CAPN7: variants seen among roughly 807,000 people sequenced by gnomAD.
CAPN7 encodes the protein calpain 7.
CAPN7 carries 72 observed loss-of-function variants against 115.2 expected under a neutral mutation model. That is an observed-to-expected ratio of 0.63 (90% CI 0.52 to 0.76). The LOEUF is 0.76. CAPN7 is among the 30% of genes least tolerant of loss of function. CAPN7 has a pLI of 0.00. For missense variants in CAPN7, 905 were observed against 971.5 expected, an observed-to-expected ratio of 0.93 and a Z score of 0.91; for synonymous variants, 344 against 322.3, an observed-to-expected ratio of 1.07 and a Z score of -0.72.
intron 16 of CAPN7, among the ~76,000 whole-genome samples, chr3:15,243,135 G>A (rs1033118404): frequency 2.6e-5 from 4 of 152,150 alleles, no homozygotes; most frequent in African/African-American, 7.2e-5. Flanking sequence ...AGAAATCAAG[G>A]GAAAAGCATT....
intron 7 of CAPN7, among the ~76,000 whole-genome samples, chr3:15,228,234 TG>T (rs1265111127): frequency 1.3e-5 from 2 of 152,220 alleles, no homozygotes; most frequent in East Asian, 3.8e-4. Context: ...ATTTCACCTT[TG>T]ATAAAGGAAT....
chr3:15,215,699 A>G (rs1160036496), intron 2 of CAPN7, among the ~76,000 whole-genome samples: 1 of 152,138 alleles, frequency 6.6e-6, no homozygotes, highest in African/African-American at 2.4e-5. Flanking sequence ...GTAATATTTC[A>G]TTGTATTGAT....
At chr3:15,229,122 T>C in intron 8 of CAPN7, 63 bp downstream of exon 8, 2 of 1,196,332 alleles carry the variant, frequency 1.7e-6, no homozygotes, top group Non-Finnish European at 2.5e-6. Context: ...AATTTAAAAC[T>C]TAAGCCTTAT....
Position 15,206,266 on chromosome 3 carries a change from A to C in CAPN7, c.-230A>C. On this transcript the variant is annotated 5_prime_UTR_variant, in exon 1 of 21. Coordinates refer to ENST00000253693, the MANE Select transcript of CAPN7 (RefSeq NM_014296.3). ...GGGGCGAGGGCCGCTGGGGCCGCGA[A>C]GTGGGGCGGCCGGGTGGGCTACAAG... 2.2e-5 allele frequency: 9 copies of C among 400,072 alleles called. No homozygotes were observed. Among genetic ancestry groups the C allele is most frequent in the East Asian group, 4.5e-5 (1 of 22,284 alleles). 24.8% of individuals were successfully genotyped at this position (400,072 alleles called of 1,614,324 possible).
At chr3:15,211,029 A>G (rs542924694) in intron 1 of CAPN7, 2 of 752,850 alleles carry the variant, frequency 2.7e-6, no homozygotes, top group Non-Finnish European at 1.6e-6. Context: ...TAGCCATAGC[A>G]TAACTGGTCG....
intron 7 of CAPN7, 55 bp from the exon 8 acceptor site, chr3:15,228,919 G>T: frequency 7.6e-7 from 1 of 1,308,408 alleles, no homozygotes; most frequent in Non-Finnish European, 1.1e-6. Context: ...GTATATTGCG[G>T]TAATGTTGAA....
intron 1 of CAPN7, among the ~76,000 whole-genome samples, chr3:15,207,796 A>G (rs2044716256): frequency 6.6e-6 from 1 of 152,198 alleles, no homozygotes; most frequent in South Asian, 2.1e-4. Flanking sequence ...GTCGTCTCCT[A>G]TGATAACAAT....
rs140890250 is a variant in CAPN7 at position 15,250,842 on chromosome 3, G to C, written c.2205-89G>C. 135 of 870,984 alleles carry C rather than the reference G, an allele frequency of 1.5e-4. 1 individual carries two copies. In the East Asian group the frequency reaches 3.2e-3, roughly 20 times the overall value. 54.0% of individuals were successfully genotyped at this position (870,984 alleles called of 1,614,324 possible). The stretch of plus-strand genomic sequence containing the variant: ...CTGAAACTTCAGAAACATAAACTTA[G>C]TATGACATCTGCACTTCAGATAAAG... On this transcript the variant is annotated intron_variant, in intron 19 of 20. Transcript: ENST00000253693.
intron 6 of CAPN7, among the ~76,000 whole-genome samples, chr3:15,223,916 T>G (rs1694148308): frequency 6.6e-6 from 1 of 152,224 alleles, no homozygotes; most frequent in East Asian, 1.9e-4. Flanking sequence ...TGTCATTGTT[T>G]ACTAAGAAGA....
chr3:15,219,492 C>T (rs544423351), intron 4 of CAPN7, among the ~76,000 whole-genome samples: 2 of 152,194 alleles, frequency 1.3e-5, no homozygotes, highest in Non-Finnish European at 2.9e-5. Context: ...GAGTCCTTGA[C>T]ATACAGTTGT....
At chr3:15,243,760 G>A (rs1395881691) in intron 16 of CAPN7, among the ~76,000 whole-genome samples, 6 of 147,330 alleles carry the variant, frequency 4.1e-5, no homozygotes, top group Non-Finnish European at 7.5e-5. Context: ...CACAAAGAAG[G>A]AAACAACACA....
chr3:15,216,593 A>T (rs1385705360), intron 2 of CAPN7, among the ~76,000 whole-genome samples: 1 of 152,226 alleles, frequency 6.6e-6, no homozygotes, highest in Non-Finnish European at 1.5e-5. Context: ...CAATGAAAAT[A>T]CATAACATAT....
chr3:15,235,231 C>A, intron 12 of CAPN7, 86 bp downstream of exon 12: 1 of 1,215,516 alleles, frequency 8.2e-7, no homozygotes, highest in Non-Finnish European at 1.1e-6. Flanking sequence ...CTTCTGAATA[C>A]TGACAAATCA....
At chr3:15,214,358 A>AC (rs1270195560) in intron 2 of CAPN7, among the ~76,000 whole-genome samples, 2 of 152,230 alleles carry the variant, frequency 1.3e-5, no homozygotes, top group African/African-American at 4.8e-5. Context: ...AAAACAAGAT[A>AC]GTCTGCTGAC....
intron 16 of CAPN7, among the ~76,000 whole-genome samples, chr3:15,243,193 T>C (rs1010439134): frequency 6.6e-6 from 1 of 152,140 alleles, no homozygotes; most frequent in Non-Finnish European, 1.5e-5. Flanking sequence ...TGAGAAAAGA[T>C]GGTGTATTTT....
At chr3:15,223,718 A>G (rs1183529057) in intron 6 of CAPN7, among the ~76,000 whole-genome samples, 157 bp downstream of exon 6, 1 of 152,188 alleles carries the variant, frequency 6.6e-6, no homozygotes. Context: ...TAGCAAGAGC[A>G]CTTTTGTTAT....
At chr3:15,243,013 A>T (rs932640413) in intron 16 of CAPN7, among the ~76,000 whole-genome samples, 3 of 151,708 alleles carry the variant, frequency 2.0e-5, no homozygotes, top group Non-Finnish European at 4.4e-5. Flanking sequence ...TACACGTGTA[A>T]AAAAAAGGGT....
Position 15,240,873 on chromosome 3 carries a change from A to G in CAPN7, c.1652+20A>G, listed in dbSNP as rs751127481. 7.1e-7 allele frequency: 1 copy of G among 1,418,294 alleles called. No homozygotes were observed. The highest frequency in any genetic ancestry group is 2.3e-5 in the East Asian group (1 of 43,844). The allele number at this position is 1,418,294 out of a possible 1,614,324, so 87.9% of individuals were successfully genotyped here. A position where few individuals can be genotyped will look rare whatever the true frequency, so the allele number is the denominator to read the frequency against. On this transcript the variant is annotated intron_variant, in intron 14 of 20. Coordinates refer to ENST00000253693, the MANE Select transcript of CAPN7 (RefSeq NM_014296.3). ...TCACAGGTAACTTTTTGCACATTGC[A>G]GAGTATGCTTTATAATAGCATCCAC...
intron 15 of CAPN7, 74 bp downstream of exon 15, chr3:15,241,662 G>A (rs946933388): frequency 5.6e-5 from 70 of 1,261,012 alleles, no homozygotes; most frequent in African/African-American, 3.7e-4. Flanking sequence ...AAAGACATAC[G>A]TAAACACCAG....
Sources: gnomAD v4.1 joint callset for allele counts (sites outside exome capture counted in the v4.1 genomes callset) on GRCh38, gnomAD v4.1.1 for gene constraint, MANE v1.5 for transcripts, NCBI Gene and HGNC (gene_info 2026-07-23, HGNC 2026-07-21) for gene names.